SLC14A1: variants seen among roughly 807,000 people sequenced by gnomAD.
The protein encoded by SLC14A1 is solute carrier family 14 member 1 (Kidd blood group), also known as urea transporter 1.
Under a neutral mutation model 39.6 loss-of-function variants are expected in SLC14A1, and 36 were observed. The ratio of observed to expected loss-of-function variants is 0.91; its 90% CI spans 0.70 to 1.20. The LOEUF (loss-of-function observed/expected upper bound fraction) is 1.20, where lower values mean the gene tolerates loss of function less well. SLC14A1 is among the 50% of genes most tolerant of loss of function. The pLI, the probability that SLC14A1 is intolerant of heterozygous loss-of-function variation, is 0.00. For synonymous variants in SLC14A1, 164 were observed against 173.6 expected (o/e 0.94, Z 0.43); for missense variants, 469 against 478.7 (o/e 0.98, Z 0.19).
chr18:45,747,532 C>CAAA (rs10717574), intron 8 of SLC14A1, among the ~76,000 whole-genome samples: 1 of 145,896 alleles, frequency 6.9e-6, no homozygotes, highest in African/African-American at 2.5e-5. Context: ...ACTAACAATA[C>CAAA]AAAAAAAAAA....
At position 45,749,910 on chromosome 18, in the gene SLC14A1, T is replaced by C. The variant is rs2047664996; in HGVS notation, c.1129T>C (p.Tyr377His). ...VTYPEENRIF[Y>H]LQAKKRMVES... ...TTATCCTGAAGAAAACCGCATCTTCTACCTGCAAGCCAAGAAAAGAATGGT... is the reference window on the plus strand; with the variant it reads ...TTATCCTGAAGAAAACCGCATCTTCCACCTGCAAGCCAAGAAAAGAATGGT... Residue 377 changes from tyrosine to histidine, a missense_variant, in exon 10 of 10, where the codon TAC becomes CAC. Tyr to His is a moderately conservative substitution (Grantham distance 83). Coordinates refer to ENST00000321925, the MANE Select transcript of SLC14A1 (RefSeq NM_015865.7). 2 of 1,614,062 alleles carry C rather than the reference T, an allele frequency of 1.2e-6. No homozygotes were observed. Among genetic ancestry groups the C allele is most frequent in the African/African-American group, 2.7e-5 (2 of 74,922 alleles).
chr18:45,727,329 A>G lies in SLC14A1; in HGVS notation c.-22+2316A>G, dbSNP rs1304872231. On this transcript the variant is annotated intron_variant, in intron 2 of 9. Transcript: ENST00000321925. ...TGACGCCCGTCATGGTCCTGTTTGG[A>G]AGGACCCTTTTGGAACTAAAGCTGG... 2.6e-6 allele frequency: 4 copies of G among 1,551,628 alleles called. No individual in the cohort carries two copies. In the Admixed American group the frequency reaches 7.8e-5, roughly 30 times the overall value.
At chr18:45,728,089 G>A (rs1330497676) in intron 2 of SLC14A1, among the ~76,000 whole-genome samples, 3 of 152,168 alleles carry the variant, frequency 2.0e-5, no homozygotes, top group Non-Finnish European at 4.4e-5. Context: ...GTTGAAATTA[G>A]ATTCACAAAT....
At chr18:45,727,314 C>T in intron 2 of SLC14A1, 3 of 1,551,512 alleles carry the variant, frequency 1.9e-6, no homozygotes, top group Non-Finnish European at 2.6e-6. Flanking sequence ...TGACGCCCGT[C>T]ATGGTCCTGT....
chr18:45,733,883 G>A (rs115395074), intron 4 of SLC14A1, among the ~76,000 whole-genome samples: 2,591 of 152,212 alleles, frequency 0.017, 69 homozygotes, highest in African/African-American at 0.058. Context: ...ATAAGAGTGC[G>A]AACCCCATTA....
At chr18:45,745,676 G>T (rs1182693793) in intron 8 of SLC14A1, among the ~76,000 whole-genome samples, 1 of 152,206 alleles carries the variant, frequency 6.6e-6, no homozygotes, top group African/African-American at 2.4e-5. Flanking sequence ...AAATTGATGG[G>T]TTAAAGGGAA....
Position 45,731,041 on chromosome 18 carries a change from G to T in SLC14A1, c.178G>T (p.Asp60Tyr). Residue 60 changes from aspartate (D) to tyrosine (Y), a missense_variant, in exon 4 of 10, where the codon GAC becomes TAC. By Grantham distance (160) the Asp-to-Tyr change is radical (BLOSUM62 -3). Transcript: ENST00000321925. ...CAAACCCGTGGTGCTCCAGTTCATT[G>T]ACTGGATTCTCCGGGGCATATCCCA... ...KDKPVVLQFI[D>Y]WILRGISQVV... 1 of 1,614,126 alleles carries T rather than the reference G, an allele frequency of 6.2e-7. No individual in the cohort carries two copies. The highest frequency in any genetic ancestry group is 1.6e-4 in the Middle Eastern group (1 of 6,062).
intron 2 of SLC14A1, chr18:45,727,220 C>A: frequency 6.5e-7 from 1 of 1,540,632 alleles, no homozygotes; most frequent in Non-Finnish European, 8.8e-7. Context: ...GGGCACACGT[C>A]ATGCTGATTC....
In SLC14A1 at chr18:45,739,226, G is replaced by A. The variant is rs1474722717; in HGVS notation, c.727G>A (p.Gly243Ser). Reference protein sequence around the residue: ...IYGCDNPWTGGIFLGAILLSS... With the variant: ...IYGCDNPWTGSIFLGAILLSS... ...TGGCTGTGATAATCCATGGACAGGG[G>A]GCATTTTCCTGGGAGCCATCCTACT... The change falls in exon 7 of 10, where the codon GGC becomes AGC. Residue 243 changes from glycine (G) to serine (S), a missense_variant. Gly to Ser is a moderately conservative substitution (Grantham distance 56). Coordinates refer to ENST00000321925, the MANE Select transcript of SLC14A1 (RefSeq NM_015865.7). The A allele has an allele frequency of 6.2e-7, 1 of 1,614,102 alleles. No individual in the cohort carries two copies. The highest frequency in any genetic ancestry group is 1.3e-5 in the African/African-American group (1 of 75,016).
At chr18:45,735,418 G>T (rs923916551) in intron 5 of SLC14A1, among the ~76,000 whole-genome samples, 2 of 151,878 alleles carry the variant, frequency 1.3e-5, no homozygotes, top group African/African-American at 4.8e-5. Flanking sequence ...TTACCCACCT[G>T]CCCCCCAGGT....
chr18:45,748,908 T>G (rs1339253669), intron 9 of SLC14A1, among the ~76,000 whole-genome samples: 1 of 152,148 alleles, frequency 6.6e-6, no homozygotes, highest in Non-Finnish European at 1.5e-5. Context: ...GGAGACACAG[T>G]GTCTTTCTGG....
At chr18:45,737,257 G>A (rs12607548) in intron 6 of SLC14A1, among the ~76,000 whole-genome samples, 28,894 of 152,148 alleles carry the variant, frequency 0.19, 4,257 homozygotes, top group East Asian at 0.41. Flanking sequence ...TGTGATGCGG[G>A]CCAGAGTTTG....
chr18:45,740,566 C>T (rs1266076102), intron 8 of SLC14A1, among the ~76,000 whole-genome samples: 2 of 151,468 alleles, frequency 1.3e-5, no homozygotes, highest in South Asian at 2.1e-4. Context: ...AAAAGGGTCT[C>T]ATTCTGTTGC....
At chr18:45,733,434 C>T (rs1490777249) in intron 4 of SLC14A1, among the ~76,000 whole-genome samples, 2 of 152,098 alleles carry the variant, frequency 1.3e-5, no homozygotes, top group Non-Finnish European at 2.9e-5. Flanking sequence ...AGCATCAGGA[C>T]ACAAAAATGT....
intron 8 of SLC14A1, among the ~76,000 whole-genome samples, chr18:45,742,122 A>AG (rs1386857802): frequency 6.6e-6 from 1 of 152,116 alleles, no homozygotes; most frequent in Non-Finnish European, 1.5e-5. Flanking sequence ...AGGATTCTCC[A>AG]GGGGGCCATT....
intron 2 of SLC14A1, among the ~76,000 whole-genome samples, chr18:45,728,256 T>C (rs951890551): frequency 2.6e-5 from 4 of 152,164 alleles, no homozygotes; most frequent in Admixed American, 6.5e-5. Context: ...ATCTCCAAAA[T>C]CTCTGAGGTG....
chr18:45,726,288 T>C (rs968728466), intron 2 of SLC14A1, among the ~76,000 whole-genome samples: 12 of 152,160 alleles, frequency 7.9e-5, no homozygotes, highest in Admixed American at 7.9e-4. Flanking sequence ...TTTCAGGTTT[T>C]AGGCCAAGCC....
chr18:45,743,008 A>G (rs1212268653), intron 8 of SLC14A1, among the ~76,000 whole-genome samples: 1 of 152,244 alleles, frequency 6.6e-6, no homozygotes, highest in Non-Finnish European at 1.5e-5. Context: ...TTGACAGACC[A>G]TGGAGAAGAA....
intron 5 of SLC14A1, 101 bp from the exon 6 acceptor site, chr18:45,736,355 G>C (rs1215903072): frequency 1.7e-5 from 19 of 1,099,752 alleles, no homozygotes; most frequent in Non-Finnish European, 2.7e-5. Flanking sequence ...ACACGTAAGG[G>C]GCCTGTTGGC....
Sources: allele counts gnomAD v4.1 joint callset (sites outside exome capture counted in the v4.1 genomes callset), GRCh38; gene constraint gnomAD v4.1.1; transcripts MANE v1.5; gene names NCBI Gene and HGNC (gene_info 2026-07-23, HGNC 2026-07-21).